The following GABPB1 variants were observed in gnomAD, a reference collection of about 807,000 sequenced individuals.
GABPB1 encodes the protein GA-binding protein subunit beta-1.
In GABPB1, 15 loss-of-function variants were observed where a neutral mutation model predicts 45.9. The observed-to-expected ratio is 0.33, with a 90% CI of 0.22 to 0.50. The LOEUF is 0.50. Among genes scored for constraint, GABPB1 ranks in the 20% least tolerant of loss-of-function variants. GABPB1 has a pLI of 0.98. For missense variants in GABPB1, 252 were observed against 457.5 expected (o/e 0.55, Z 4.10); for synonymous variants, 143 against 154.4 (o/e 0.93, Z 0.55).
At chr15:50,323,536 G>A (rs904779164) in intron 1 of GABPB1, among the ~76,000 whole-genome samples, 3 of 152,170 alleles carry the variant, frequency 2.0e-5, no homozygotes, top group Non-Finnish European at 2.9e-5. Context: ...CCTGTAAAAT[G>A]AGAGTAATAG....
intron 8 of GABPB1, among the ~76,000 whole-genome samples, chr15:50,280,119 CAA>C (rs1237805633): frequency 6.6e-6 from 1 of 152,038 alleles, no homozygotes; most frequent in Non-Finnish European, 1.5e-5. Context: ...CATTTGGAGA[CAA>C]AAGATCTCCA....
chr15:50,289,525 T>C lies in GABPB1; in HGVS notation c.841A>G (p.Ile281Val). 2 of 1,613,776 alleles carry C rather than the reference T, an allele frequency of 1.2e-6. No individual in the cohort carries two copies. Among genetic ancestry groups the C allele is most frequent in the Non-Finnish European group, 1.7e-6 (2 of 1,179,844 alleles). The change falls in exon 7 of 9, where the codon ATT (isoleucine) becomes GTT (valine). Residue 281 changes from isoleucine (I) to valine (V), a missense_variant. Physicochemically the swap from Ile to Val is conservative, Grantham distance 29 (BLOSUM62 3). Coordinates refer to ENST00000380877, the MANE Select transcript of GABPB1 (RefSeq NM_016654.5). ...ATGGTCACAATGATGGGCTGACCAA[T>C]TCCACTGGTTGGAATAGAGTGCAAA... ...GNLHSIPTSG[I>V]GQPIIVTMPD...
intron 2 of GABPB1, among the ~76,000 whole-genome samples, chr15:50,306,281 T>C (rs1446643002): frequency 6.6e-6 from 1 of 152,148 alleles, no homozygotes; most frequent in African/African-American, 2.4e-5. Context: ...TATATGTAGT[T>C]TAAGGCAAAC....
At chr15:50,303,907 C>T in intron 3 of GABPB1, 59 bp downstream of exon 3, 3 of 1,364,376 alleles carry the variant, frequency 2.2e-6, no homozygotes, top group South Asian at 1.6e-5. Context: ...CTAGTTCCCT[C>T]TCCTTCTTAT....
intron 8 of GABPB1, chr15:50,282,424 G>A (rs11635546): frequency 0.11 from 41,336 of 374,462 alleles, 2,807 homozygotes; most frequent in Middle Eastern, 0.2. Flanking sequence ...AAACTTAGCC[G>A]GGTATAGCGG....
intron 6 of GABPB1, among the ~76,000 whole-genome samples, chr15:50,295,619 CAA>C (rs11356695): frequency 5.9e-5 from 8 of 136,306 alleles, no homozygotes; most frequent in Admixed American, 7.3e-5. Context: ...CTGTAATTCC[CAA>C]AAAAAAAAAA....
intron 3 of GABPB1, among the ~76,000 whole-genome samples, chr15:50,303,356 C>T (rs1412355255): frequency 6.6e-6 from 1 of 151,838 alleles, no homozygotes; most frequent in East Asian, 1.9e-4. Flanking sequence ...TGAAACTAGC[C>T]TGGGCAATAT....
intron 1 of GABPB1, among the ~76,000 whole-genome samples, chr15:50,329,466 TC>T (rs1333023134): frequency 5.3e-5 from 8 of 152,316 alleles, no homozygotes; most frequent in Non-Finnish European, 1.0e-4. Flanking sequence ...TCATATGGTG[TC>T]AAAATTAAAA....
At chr15:50,292,277 TG>T (rs2046373134) in intron 6 of GABPB1, among the ~76,000 whole-genome samples, 1 of 140,146 alleles carries the variant, frequency 7.1e-6, no homozygotes, top group South Asian at 2.2e-4. Flanking sequence ...ATCACGCCAT[TG>T]CACTCCAGCC....
At chr15:50,347,695 C>G (rs778470861) in intron 1 of GABPB1, among the ~76,000 whole-genome samples, 1 of 152,154 alleles carries the variant, frequency 6.6e-6, no homozygotes, top group Non-Finnish European at 1.5e-5. Context: ...ACCTCAGTCT[C>G]TACATGCACA....
rs2045841562 is a variant in GABPB1 at position 50,276,611 on chromosome 15, A to T, written c.*2021T>A. Reference sequence around the variant, plus strand: ...GGTAAAGTCTCCAGCAGGAGAGGAGACTGGAAGTCAAAGACGACATTAAGT... The same window carrying T: ...GGTAAAGTCTCCAGCAGGAGAGGAGTCTGGAAGTCAAAGACGACATTAAGT... On this transcript the variant is annotated 3_prime_UTR_variant, in exon 9 of 9. Transcript: ENST00000380877. The T allele has an allele frequency of 6.6e-6, 1 of 152,234 alleles. No individual in the cohort carries two copies. The highest frequency in any genetic ancestry group is 2.1e-4 in the South Asian group (1 of 4,832). The allele number at this position is 152,234 out of a possible 1,614,324, so 9.4% of individuals were successfully genotyped here.
At chr15:50,307,755 A>G (rs2046997515) in intron 2 of GABPB1, among the ~76,000 whole-genome samples, 1 of 152,054 alleles carries the variant, frequency 6.6e-6, no homozygotes, top group Admixed American at 6.6e-5. Flanking sequence ...TCACTATGAT[A>G]TATCTAGATA....
chr15:50,281,271 G>T (rs1293361940), intron 8 of GABPB1, among the ~76,000 whole-genome samples: 1 of 152,128 alleles, frequency 6.6e-6, no homozygotes, highest in Non-Finnish European at 1.5e-5. Flanking sequence ...GAGTGCAGTG[G>T]CATTATCTCA....
At chr15:50,318,854 A>C (rs1414357175) in intron 1 of GABPB1, among the ~76,000 whole-genome samples, 1 of 152,244 alleles carries the variant, frequency 6.6e-6, no homozygotes, top group Non-Finnish European at 1.5e-5. Context: ...AAAGGTATAC[A>C]TGTCTCTTGT....
intron 2 of GABPB1, among the ~76,000 whole-genome samples, chr15:50,307,567 T>C (rs1022193938): frequency 1.3e-5 from 2 of 151,942 alleles, no homozygotes; most frequent in Non-Finnish European, 2.9e-5. Context: ...CTGGGCTTGG[T>C]GGTGGGTGCC....
intron 6 of GABPB1, 107 bp from the exon 7 acceptor site, chr15:50,289,775 T>C (rs1595739991): frequency 2.5e-6 from 2 of 803,978 alleles, no homozygotes; most frequent in East Asian, 5.3e-5. Context: ...TTCTTTTCTT[T>C]TTTCTTTTTT....
chr15:50,353,282 A>T (rs1174852870), intron 1 of GABPB1: 1 of 152,246 alleles, frequency 6.6e-6, no homozygotes, highest in East Asian at 1.9e-4. Context: ...CAGTAAAAAA[A>T]GTATGGGAAT....
intron 1 of GABPB1, among the ~76,000 whole-genome samples, chr15:50,335,822 A>G (rs534500243): frequency 5.7e-4 from 86 of 150,344 alleles, no homozygotes; most frequent in Admixed American, 3.7e-3. Context: ...CTTGAACCCA[A>G]GAAGCAGAGG....
intron 1 of GABPB1, chr15:50,314,648 G>T (rs1017115010): frequency 2.0e-5 from 3 of 152,214 alleles, no homozygotes; most frequent in Non-Finnish European, 4.4e-5. Flanking sequence ...GATACTAGAG[G>T]TCCAGCAAAG....
Sources: allele counts gnomAD v4.1 joint callset (sites outside exome capture counted in the v4.1 genomes callset), GRCh38; gene constraint gnomAD v4.1.1; transcripts MANE v1.5; gene names NCBI Gene and HGNC (gene_info 2026-07-23, HGNC 2026-07-21).